Variants in LONRF1 observed in about 807,000 individuals in gnomAD.
LONRF1 encodes the protein LON peptidase N-terminal domain and RING finger protein 1.
A neutral mutation model predicts 85.8 loss-of-function variants in LONRF1; 37 were observed. The observed-to-expected ratio is 0.43, with a 90% CI of 0.33 to 0.57. The LOEUF (loss-of-function observed/expected upper bound fraction) is 0.57, where lower values mean the gene tolerates loss of function less well. Among genes scored for constraint, LONRF1 ranks in the 20% least tolerant of loss-of-function variants. The pLI is 0.04. For missense variants in LONRF1, 1,036 were observed against 978.0 expected, an observed-to-expected ratio of 1.06 and a Z score of -0.79; for synonymous variants, 517 against 390.1, an observed-to-expected ratio of 1.33 and a Z score of -3.83.
intron 10 of LONRF1, 62 bp from the exon 11 acceptor site, chr8:12,725,941 A>T (rs1798280809): frequency 6.7e-7 from 1 of 1,483,440 alleles, no homozygotes; most frequent in East Asian, 2.3e-5. Flanking sequence ...GCCATATGCC[A>T]ACCGACACAA....
intron 1 of LONRF1, chr8:12,753,372 A>G (rs1414047697): frequency 2.6e-5 from 4 of 152,256 alleles, no homozygotes; most frequent in Non-Finnish European, 5.9e-5. Flanking sequence ...TTGCTATTCT[A>G]GATGTCTGTT....
rs1554466575 is a variant in LONRF1, at chr8:12,743,152, C to A, written c.840+12G>T. 2.1e-5 allele frequency: 32 copies of A among 1,504,734 alleles called. No individual in the cohort carries two copies. In the South Asian group the frequency reaches 3.4e-4, roughly 16 times the overall value. The allele number at this position is 1,504,734 out of a possible 1,614,324, so 93.2% of individuals were successfully genotyped here. ...TTTTACAATTTATGCAAACATAAAACAGTAATTTTACCTCAGGCCAATCTG... is the reference window on the plus strand; with the variant it reads ...TTTTACAATTTATGCAAACATAAAAAAGTAATTTTACCTCAGGCCAATCTG... On this transcript the variant is annotated intron_variant, in intron 2 of 11. Transcript: ENST00000398246.
At chr8:12,751,978 T>A (rs1203571518) in intron 1 of LONRF1, among the ~76,000 whole-genome samples, 1 of 152,214 alleles carries the variant, frequency 6.6e-6, no homozygotes, top group African/African-American at 2.4e-5. Context: ...TATATTTCAA[T>A]TCAACAGAAA....
chr8:12,755,233 T>C lies in LONRF1; in HGVS notation c.188A>G (p.His63Arg), dbSNP rs1195277785. The C allele has an allele frequency of 1.6e-6, 2 of 1,240,326 alleles. No individual in the cohort carries two copies. The highest frequency in any genetic ancestry group is 1.6e-5 in the African/African-American group (1 of 63,338). 76.8% of individuals were successfully genotyped at this position (1,240,326 alleles called of 1,614,324 possible). ...GAACGCCTCCAGCGCGCCCTTCAGG[T>C]GGCCGCCCAGCGCCAGCAGCTCCCC... ...RRGELLALGG[H>R]LKGALEAFAA... The change falls in exon 1 of 12, where the codon CAC becomes CGC. Residue 63 changes from histidine (H) to arginine (R), a missense_variant. This residue lies in a region of LONRF1 where 742 missense variants were observed against 614.4 expected (regional missense o/e 1.21). Transcript: ENST00000398246.
At chr8:12,752,282 AC>A (rs1485513499) in intron 1 of LONRF1, among the ~76,000 whole-genome samples, 1 of 152,258 alleles carries the variant, frequency 6.6e-6, no homozygotes, top group Non-Finnish European at 1.5e-5. Context: ...TAAGGATTGT[AC>A]AAACAGCTTA....
At chr8:12,744,344 A>G (rs905498017) in intron 1 of LONRF1, among the ~76,000 whole-genome samples, 12 of 152,184 alleles carry the variant, frequency 7.9e-5, no homozygotes, top group Non-Finnish European at 1.2e-4. Flanking sequence ...TCAGAATTTT[A>G]TATCAACGAA....
chr8:12,754,356 G>C (rs996385232), intron 1 of LONRF1: 9 of 200,110 alleles, frequency 4.5e-5, no homozygotes, highest in Non-Finnish European at 7.0e-5. Flanking sequence ...GGATAGCCCA[G>C]CTACCACCCA....
chr8:12,750,590 A>G (rs1340113845), intron 1 of LONRF1, among the ~76,000 whole-genome samples: 1 of 152,246 alleles, frequency 6.6e-6, no homozygotes, highest in East Asian at 1.9e-4. Context: ...AAACTACTGT[A>G]TTGTTTAAAT....
Position 12,735,325 on chromosome 8 carries a change from A to G in LONRF1, c.1527T>C (p.His509=). Residue 509 remains histidine, a synonymous_variant, in exon 7 of 12, where the codon CAT becomes CAC. Coordinates refer to ENST00000398246, the MANE Select transcript of LONRF1 (RefSeq NM_152271.5). ...CKNCLERCLD[H]APYCPLCKES... ...CTTTGCAAAGAGGACAATATGGTGC[A>G]TGATCTAAACAACGCTCAAGACAAT... 1.9e-6 allele frequency: 3 copies of G among 1,607,800 alleles called. No individual in the cohort carries two copies. Among genetic ancestry groups the G allele is most frequent in the South Asian group, 1.1e-5 (1 of 90,272 alleles).
At position 12,752,936 on chromosome 8, in the gene LONRF1, G is replaced by C. The variant is rs142225471; in HGVS notation, c.721+1764C>G. On this transcript the variant is annotated intron_variant, in intron 1 of 11. Transcript: ENST00000398246. The stretch of plus-strand genomic sequence containing the variant: ...AGACCAACGTTTAGGAGAAGCGGAA[G>C]ATACAGCACTGCCTCTCTACCAGTT... The C allele has an allele frequency of 3.3e-5, 5 of 152,356 alleles. No homozygotes were observed. In the East Asian group the frequency reaches 9.6e-4, roughly 29 times the overall value. 9.4% of individuals were successfully genotyped at this position (152,356 alleles called of 1,614,324 possible). A position where few individuals can be genotyped will look rare whatever the true frequency, so the allele number is the denominator to read the frequency against.
intron 10 of LONRF1, 41 bp downstream of exon 10, chr8:12,728,860 G>A (rs755808468): frequency 4.0e-5 from 64 of 1,610,102 alleles, no homozygotes; most frequent in Non-Finnish European, 5.2e-5. Context: ...CCCTGGAACA[G>A]GATATACGAA....
At chr8:12,744,560 T>C (rs1432117874) in intron 1 of LONRF1, among the ~76,000 whole-genome samples, 1 of 152,140 alleles carries the variant, frequency 6.6e-6, no homozygotes, top group Non-Finnish European at 1.5e-5. Flanking sequence ...TATTCAAAAA[T>C]GTTTTACATT....
rs1798539344 is a variant in LONRF1, at chr8:12,731,816, T to C, written c.1608A>G (p.Glu536=). 1 of 1,612,942 alleles carries C rather than the reference T, an allele frequency of 6.2e-7. No homozygotes were observed. The highest frequency in any genetic ancestry group is 1.3e-5 in the African/African-American group (1 of 75,004). Residue 536 remains glutamate (E), a synonymous_variant, in exon 8 of 12, where the codon GAA becomes GAG. Coordinates refer to ENST00000398246, the MANE Select transcript of LONRF1 (RefSeq NM_152271.5). ...CAGGCAGATACTTCACTATTAATTCTTCCAACAGCTGTGTGACACAGTACC... is the reference window on the plus strand; with the variant it reads ...CAGGCAGATACTTCACTATTAATTCCTCCAACAGCTGTGTGACACAGTACC... The part of the protein sequence containing the change: ...DRRYCVTQLL[E]ELIVKYLPDE...
rs1139354 is a variant in LONRF1, at chr8:12,743,211, T to A, written c.793A>T (p.Ile265Leu). The stretch of plus-strand genomic sequence containing the variant: ...AAAAGAACTGCATTTAAATCTTCTA[T>A]GGCTGCTTTAAACTCTTGGAGACCA... ...YAGLQEFKAA[I>L]EDLNAVLFQL... Residue 265 changes from isoleucine to leucine, a missense_variant, in exon 2 of 12, where the codon ATA becomes TTA. By Grantham distance (5) the Ile-to-Leu change is conservative (BLOSUM62 2). This residue lies in a region of LONRF1 where 742 missense variants were observed against 614.4 expected (regional missense o/e 1.21). Coordinates refer to ENST00000398246, the MANE Select transcript of LONRF1 (RefSeq NM_152271.5). 0.067 allele frequency: 108,308 copies of A among 1,612,722 alleles called. 4,168 individuals carry two copies. The highest frequency in any genetic ancestry group is 0.078 in the Non-Finnish European group (91,875 of 1,178,888).
At position 12,737,064 on chromosome 8, in the gene LONRF1, T is replaced by A. The variant is rs1387100525; in HGVS notation, c.1190A>T (p.Asn397Ile). The A allele has an allele frequency of 2.5e-6, 4 of 1,613,710 alleles. No homozygotes were observed. Among genetic ancestry groups the A allele is most frequent in the Non-Finnish European group, 3.4e-6 (4 of 1,179,704 alleles). ...CTCTCTGGCAGGCATTTCTGTTGAA[T>A]TTATAGACTGTGCTGACTGAGCACG... ...LNRAQSAQSI[N>I]STEMPAREDC... is the part of the protein sequence containing the mutation. Residue 397 changes from asparagine to isoleucine, a missense_variant, in exon 5 of 12, where the codon AAT becomes ATT. By Grantham distance (149) the Asn-to-Ile change is moderately radical. Around this residue, in one of 3 missense-constraint regions of LONRF1, gnomAD observed 742 missense variants for 614.4 expected, o/e 1.21. Transcript: ENST00000398246.
chr8:12,731,883 C>G, intron 7 of LONRF1, 26 bp from the exon 8 acceptor site: 1 of 1,601,672 alleles, frequency 6.2e-7, no homozygotes, highest in Non-Finnish European at 8.5e-7. Context: ...ATTTTACATT[C>G]CAGCAGTGGT....
intron 6 of LONRF1, 123 bp downstream of exon 6, chr8:12,736,578 T>G: frequency 1.5e-6 from 1 of 666,736 alleles, no homozygotes; most frequent in South Asian, 2.4e-5. Flanking sequence ...CTAAAATTCA[T>G]GTCTTTTGAT....
Position 12,755,159 on chromosome 8 carries a change from C to A in LONRF1, c.262G>T (p.Ala88Ser). ...GAPARPECLG[A>S]LVDCLVFNYR... ...TTGAACACCAGGCAGTCCACCAGGG[C>A]GCCCAGGCACTCGGGCCTGGCCGGG... is the stretch of plus-strand genomic sequence containing the variant. The change falls in exon 1 of 12, where the codon GCC becomes TCC. Residue 88 changes from alanine (A) to serine (S), a missense_variant. This residue lies in a region of LONRF1 where 742 missense variants were observed against 614.4 expected (regional missense o/e 1.21). Transcript: ENST00000398246. The A allele has an allele frequency of 1.4e-6, 2 of 1,418,252 alleles. No individual in the cohort carries two copies. Among genetic ancestry groups the A allele is most frequent in the South Asian group, 2.9e-5 (2 of 68,732 alleles). 87.9% of individuals were successfully genotyped at this position (1,418,252 alleles called of 1,614,324 possible).
At position 12,754,771 on chromosome 8, in the gene LONRF1, C is replaced by T; in HGVS notation, c.650G>A (p.Arg217Lys). 1 of 1,472,454 alleles carries T rather than the reference C, an allele frequency of 6.8e-7. No individual in the cohort carries two copies. Among genetic ancestry groups the T allele is most frequent in the East Asian group, 2.9e-5 (1 of 34,038 alleles). The allele number at this position is 1,472,454 out of a possible 1,614,324, so 91.2% of individuals were successfully genotyped here. A position where few individuals can be genotyped will look rare whatever the true frequency, so the allele number is the denominator to read the frequency against. ...GQRERARAAG[R>K]LGELLHQGRY... is the part of the protein sequence containing the mutation. ...CCCCTGGTGCAGTAGCTCCCCGAGC[C>T]TGCCGGCCGCCCGGGCCCGCTCGCG... The change falls in exon 1 of 12, where the codon AGG (arginine) becomes AAG (lysine). Residue 217 changes from arginine (R) to lysine (K), a missense_variant. Coordinates refer to ENST00000398246, the MANE Select transcript of LONRF1 (RefSeq NM_152271.5).
Sources: gnomAD v4.1 joint callset for allele counts (sites outside exome capture counted in the v4.1 genomes callset) on GRCh38, gnomAD v4.1.1 for gene constraint, gnomAD v4.1.1 regional missense constraint, MANE v1.5 for transcripts, NCBI Gene and HGNC (gene_info 2026-07-23, HGNC 2026-07-21) for gene names.